NCOR2: variants seen among roughly 807,000 people sequenced by gnomAD.
NCOR2 encodes the protein CTG repeat protein 26.
In NCOR2, 81 loss-of-function variants were observed where a neutral mutation model predicts 262.9. The ratio of observed to expected loss-of-function variants is 0.31; its 90% CI spans 0.26 to 0.37. NCOR2 has a LOEUF of 0.37. NCOR2 is among the 10% of genes least tolerant of loss of function. The pLI, the probability that NCOR2 is intolerant of heterozygous loss-of-function variation, is 1.00. For missense variants in NCOR2, 3,385 were observed against 3,621.4 expected (o/e 0.93, Z 1.68); for synonymous variants, 1,659 against 1,559.3 (o/e 1.06, Z -1.51).
intron 1 of NCOR2, among the ~76,000 whole-genome samples, chr12:124,559,240 T>C (rs1432718350): frequency 6.6e-6 from 1 of 152,136 alleles, no homozygotes; most frequent in Non-Finnish European, 1.5e-5. Flanking sequence ...CAGCCACAAG[T>C]CCAGGTTGGA....
At chr12:124,354,683 T>A in intron 25 of NCOR2, 101 bp from the exon 28 acceptor site, 2 of 1,323,634 alleles carry the variant, frequency 1.5e-6, no homozygotes, top group Non-Finnish European at 2.0e-6. Context: ...GCGCTGCCCC[T>A]CCCCACCATG....
At chr12:124,509,173 C>G (rs1428393521) in intron 1 of NCOR2, among the ~76,000 whole-genome samples, 4 of 149,010 alleles carry the variant, frequency 2.7e-5, no homozygotes, top group African/African-American at 1.0e-4. Flanking sequence ...CCCCTGCACC[C>G]TCAGTCCTGG....
At chr12:124,368,873 C>T (rs760322190) in intron 20 of NCOR2, among the ~76,000 whole-genome samples, 2 of 152,258 alleles carry the variant, frequency 1.3e-5, no homozygotes, top group Non-Finnish European at 1.5e-5. Flanking sequence ...GCGCCCCCGG[C>T]GCCTGGCGCA....
chr12:124,348,094 C>A (rs1298394211), intron 29 of NCOR2, 80 bp downstream of exon 31: 2 of 1,589,384 alleles, frequency 1.3e-6, no homozygotes, highest in Admixed American at 1.7e-5. Flanking sequence ...CTCGGTTTCC[C>A]CATCTGTAAA....
At chr12:124,336,485 T>A in intron 38 of NCOR2, 1 of 640,018 alleles carries the variant, frequency 1.6e-6, no homozygotes, top group Non-Finnish European at 2.2e-6. Context: ...GCGGCCGGAG[T>A]AGTCGTCAGC....
intron 33 of NCOR2, among the ~76,000 whole-genome samples, 178 bp from the exon 36 acceptor site, chr12:124,342,252 A>G (rs986827568): frequency 6.6e-6 from 1 of 152,242 alleles, no homozygotes; most frequent in African/African-American, 2.4e-5. Flanking sequence ...TCACGCCAGG[A>G]CACAAGAGGG....
At chr12:124,438,566 G>A (rs1377338599) in intron 7 of NCOR2, among the ~76,000 whole-genome samples, 1 of 152,192 alleles carries the variant, frequency 6.6e-6, no homozygotes, top group East Asian at 1.9e-4. Context: ...GGGCGGGGGC[G>A]GTCTCAGACT....
At chr12:124,408,872 C>T (rs943992078) in intron 13 of NCOR2, among the ~76,000 whole-genome samples, 1 of 152,168 alleles carries the variant, frequency 6.6e-6, no homozygotes, top group African/African-American at 2.4e-5. Flanking sequence ...AGGTGACTTC[C>T]GCCAACTCCA....
chr12:124,510,725 T>C (rs1262458535), intron 1 of NCOR2, among the ~76,000 whole-genome samples: 4 of 152,116 alleles, frequency 2.6e-5, no homozygotes, highest in African/African-American at 9.6e-5. Flanking sequence ...CCATCCCATG[T>C]CCCTGCTCAC....
At position 124,337,194 on chromosome 12, in the gene NCOR2, G is replaced by C. The variant is rs1342345410; in HGVS notation, c.5688-14C>G. 5 of 1,546,058 alleles carry C rather than the reference G, an allele frequency of 3.2e-6. No individual in the cohort carries two copies. In the East Asian group the frequency reaches 9.8e-5, roughly 30 times the overall value. On this transcript the variant is annotated splice_polypyrimidine_tract_variant and intron_variant, in intron 37 of 46. Transcript: ENST00000405201. ...GTGGAGGTGGACCTGGGGGAGGAGA[G>C]AAGGCGGTCAGGCAGTCATGGGAGC... is the stretch of plus-strand genomic sequence containing the variant.
At chr12:124,524,018 A>G (rs890789346) in intron 1 of NCOR2, among the ~76,000 whole-genome samples, 3 of 152,212 alleles carry the variant, frequency 2.0e-5, no homozygotes, top group Middle Eastern at 3.2e-3. Flanking sequence ...GGCATCTCCA[A>G]TGGTGTCAGA....
chr12:124,380,788 G>T (rs1381209015), intron 17 of NCOR2, among the ~76,000 whole-genome samples: 1 of 151,904 alleles, frequency 6.6e-6, no homozygotes, highest in Non-Finnish European at 1.5e-5. Context: ...TCTGCGGGGG[G>T]CGGCGTGGGG....
intron 32 of NCOR2, 36 bp downstream of exon 34, chr12:124,344,561 G>A (rs2036762161): frequency 3.5e-6 from 5 of 1,412,400 alleles, no homozygotes; most frequent in Non-Finnish European, 3.7e-6. Flanking sequence ...CCAGACAGGC[G>A]CCCACCCCAC....
chr12:124,431,440 G>A (rs1452561467), intron 8 of NCOR2, among the ~76,000 whole-genome samples: 4 of 145,770 alleles, frequency 2.7e-5, no homozygotes, highest in Admixed American at 2.1e-4. Flanking sequence ...AGTCACACAG[G>A]CAGACAGACA....
rs760552670 is a variant in NCOR2, at chr12:124,422,569, A to T, written c.1329-14T>A. 8 of 1,613,732 alleles carry T rather than the reference A, an allele frequency of 5.0e-6. No individual in the cohort carries two copies. The highest frequency in any genetic ancestry group is 1.6e-4 in the Middle Eastern group (1 of 6,062). ...TGCTGCATGAACCTGCGGGACGAGA[A>T]GGGTGGGCGTGAGACCTGGCCGAGG... On this transcript the variant is annotated splice_polypyrimidine_tract_variant and intron_variant, in intron 11 of 46. Coordinates refer to ENST00000405201, the Ensembl canonical transcript of NCOR2.
chr12:124,355,248 A>AC (rs1278477003), intron 24 of NCOR2, 184 bp downstream of exon 26: 13 of 689,140 alleles, frequency 1.9e-5, no homozygotes, highest in East Asian at 5.5e-5. Flanking sequence ...ATACAGAGTG[A>AC]CCCCCCAGGG....
chr12:124,497,315 A>G (rs2136920526), upstream of NCOR2, among the ~76,000 whole-genome samples: 1 of 152,308 alleles, frequency 6.6e-6, no homozygotes, highest in South Asian at 2.1e-4. This position sits in a 1 kb window ranked among gnomAD's most constrained non-coding sequence, Gnocchi z 4.2. Context: ...GACAGGATGT[A>G]TGGCGCAATT....
chr12:124,448,797 C>A (rs1593590415), intron 7 of NCOR2, among the ~76,000 whole-genome samples: 2 of 152,232 alleles, frequency 1.3e-5, no homozygotes, highest in Admixed American at 1.3e-4. Flanking sequence ...GAGCTCACCA[C>A]CGCATATACA....
intron 1 of NCOR2, among the ~76,000 whole-genome samples, chr12:124,551,915 G>A (rs184590868): frequency 1.1e-4 from 17 of 152,302 alleles, no homozygotes; most frequent in Admixed American, 3.3e-4. Context: ...AGACCCAGCC[G>A]GGAGAAATCA....
Sources: allele counts gnomAD v4.1 joint callset (sites outside exome capture counted in the v4.1 genomes callset), GRCh38; gene constraint gnomAD v4.1.1; non-coding constraint Gnocchi (gnomAD v3.1); transcripts MANE v1.5; gene names NCBI Gene and HGNC (gene_info 2026-07-23, HGNC 2026-07-21).